Variants in SLC8A1 observed in about 807,000 individuals in gnomAD.
SLC8A1 encodes the protein solute carrier family 8 member A1, also known as sodium/calcium exchanger 1.
Under a neutral mutation model 68.3 loss-of-function variants are expected in SLC8A1, and 18 were observed. That is an observed-to-expected ratio of 0.26 (90% CI 0.18 to 0.39). The LOEUF is 0.39. Among genes scored for constraint, SLC8A1 ranks in the 10% least tolerant of loss-of-function variants. The pLI is 1.00. For synonymous variants in SLC8A1, 475 were observed against 415.5 expected (o/e 1.14, Z -1.74); for missense variants, 985 against 1,156.7 (o/e 0.85, Z 2.15).
chr2:40,397,705 A>G (rs1392690682), intron 2 of SLC8A1, among the ~76,000 whole-genome samples: 2 of 152,214 alleles, frequency 1.3e-5, no homozygotes. Flanking sequence ...CAAAGCATTC[A>G]GAAGTGGAAA....
intron 2 of SLC8A1, among the ~76,000 whole-genome samples, chr2:40,214,572 G>C (rs2057158877): frequency 6.6e-6 from 1 of 151,646 alleles, no homozygotes; most frequent in African/African-American, 2.4e-5. Flanking sequence ...CTCCCGAGTA[G>C]CTGGGATTAC....
intron 2 of SLC8A1, among the ~76,000 whole-genome samples, chr2:40,406,011 GT>G (rs1462967159): frequency 6.6e-6 from 1 of 152,008 alleles, no homozygotes; most frequent in African/African-American, 2.4e-5. Flanking sequence ...TTCCATCACT[GT>G]ATTCTATACA....
intron 1 of SLC8A1, among the ~76,000 whole-genome samples, chr2:40,505,324 A>G (rs542751214): frequency 6.6e-6 from 1 of 152,010 alleles, no homozygotes; most frequent in African/African-American, 2.4e-5. Flanking sequence ...TGTACATTTT[A>G]AAGTATTGTA....
At chr2:40,165,091 C>T (rs2046325398) in intron 4 of SLC8A1, 107 bp from the exon 8 acceptor site, 2 of 1,390,634 alleles carry the variant, frequency 1.4e-6, no homozygotes, top group Non-Finnish European at 1.0e-6. Context: ...TAATGACCTA[C>T]TAAAGCCCCC....
At chr2:40,141,181 C>T (rs1043709502) in intron 6 of SLC8A1, among the ~76,000 whole-genome samples, 3 of 152,162 alleles carry the variant, frequency 2.0e-5, no homozygotes, top group Non-Finnish European at 2.9e-5. Context: ...ACCTGAACCA[C>T]GTGACCTGAG....
At chr2:40,114,436 G>C (rs1356347970) in exon 8 of SLC8A1, 2 of 152,914 alleles carry the variant, frequency 1.3e-5, no homozygotes, top group East Asian at 1.9e-4. Context: ...GGGCACCTGG[G>C]GGCTTAGCTG....
intron 6 of SLC8A1, among the ~76,000 whole-genome samples, chr2:40,152,297 G>C (rs373094861): frequency 6.6e-6 from 1 of 152,146 alleles, no homozygotes; most frequent in Non-Finnish European, 1.5e-5. Flanking sequence ...AGTTGTTTAT[G>C]TGCAATGAAT....
At chr2:40,364,115 C>T (rs190202475) in intron 2 of SLC8A1, among the ~76,000 whole-genome samples, 1 of 151,990 alleles carries the variant, frequency 6.6e-6, no homozygotes, top group Non-Finnish European at 1.5e-5. Context: ...TGTGCAACTG[C>T]CTGATAAGTA....
intron 7 of SLC8A1, among the ~76,000 whole-genome samples, chr2:40,137,990 C>A (rs896269136): frequency 1.3e-5 from 2 of 152,078 alleles, no homozygotes; most frequent in African/African-American, 4.8e-5. Flanking sequence ...TTATACTGTT[C>A]AGATCATCCT....
intron 2 of SLC8A1, among the ~76,000 whole-genome samples, chr2:40,415,297 G>C (rs1576300246): frequency 6.6e-6 from 1 of 152,134 alleles, no homozygotes; most frequent in African/African-American, 2.4e-5. Context: ...AAAAATTAAA[G>C]ACATAATTGG....
At chr2:40,221,363 G>C (rs151180562) in intron 2 of SLC8A1, among the ~76,000 whole-genome samples, 23 of 152,088 alleles carry the variant, frequency 1.5e-4, no homozygotes, top group African/African-American at 5.3e-4. Context: ...AATAAACTAG[G>C]TATTGATAGA....
At chr2:40,161,705 A>G (rs2045717397) in intron 5 of SLC8A1, among the ~76,000 whole-genome samples, 1 of 152,222 alleles carries the variant, frequency 6.6e-6, no homozygotes, top group Non-Finnish European at 1.5e-5. Flanking sequence ...CACTACTGCA[A>G]GTCATGGCAA....
chr2:40,481,206 G>A (rs1227657908), intron 1 of SLC8A1, among the ~76,000 whole-genome samples: 1 of 152,134 alleles, frequency 6.6e-6, no homozygotes, highest in African/African-American at 2.4e-5. Context: ...GTTTACCATA[G>A]GGAGGAATGG....
At chr2:40,295,520 G>A (rs1304349324) in intron 2 of SLC8A1, among the ~76,000 whole-genome samples, 1 of 152,060 alleles carries the variant, frequency 6.6e-6, no homozygotes, top group Non-Finnish European at 1.5e-5. Flanking sequence ...ATAAACATTA[G>A]TAAAGAAGTG....
At chr2:40,382,458 A>G (rs772677614) in intron 2 of SLC8A1, among the ~76,000 whole-genome samples, 1 of 152,142 alleles carries the variant, frequency 6.6e-6, no homozygotes, top group African/African-American at 2.4e-5. Context: ...ATTTGATTAA[A>G]TATTATTCAA....
chr2:40,181,734 GTTCA>G (rs779633924), intron 2 of SLC8A1, among the ~76,000 whole-genome samples: 3 of 152,188 alleles, frequency 2.0e-5, no homozygotes, highest in Non-Finnish European at 4.4e-5. Flanking sequence ...CACTGGTAAT[GTTCA>G]CCTTTTGCTT....
intron 2 of SLC8A1, among the ~76,000 whole-genome samples, chr2:40,350,165 G>T (rs574597991): frequency 2.0e-5 from 3 of 152,088 alleles, no homozygotes; most frequent in Non-Finnish European, 4.4e-5. Context: ...AAACAACTCA[G>T]AATTCTCTTA....
intron 2 of SLC8A1, among the ~76,000 whole-genome samples, chr2:40,321,803 C>A (rs549301897): frequency 1.1e-4 from 17 of 152,152 alleles, no homozygotes; most frequent in African/African-American, 4.1e-4. Context: ...AACTACAATT[C>A]AAGATAAGAT....
chr2:40,170,137 CG>C, intron 4 of SLC8A1, 143 bp downstream of exon 7: 1 of 714,442 alleles, frequency 1.4e-6, no homozygotes, highest in Non-Finnish European at 2.4e-6. Context: ...TGTAATCCAC[CG>C]TACCACTGGC....
Sources: allele counts gnomAD v4.1 joint callset (sites outside exome capture counted in the v4.1 genomes callset), GRCh38; gene constraint gnomAD v4.1.1; transcripts MANE v1.5; gene names NCBI Gene and HGNC (gene_info 2026-07-23, HGNC 2026-07-21).